Variants in DMD observed in about 807,000 individuals in gnomAD.
The protein encoded by DMD is dystrophin.
Under a neutral mutation model 330.1 loss-of-function variants are expected in DMD, and 63 were observed. The observed-to-expected ratio is 0.19, with a 90% confidence interval of 0.16 to 0.24. The LOEUF (loss-of-function observed/expected upper bound fraction) is 0.24, where lower values mean the gene tolerates loss of function less well. Ranked by LOEUF, DMD falls within the 10% of genes least tolerant of loss-of-function variation. The pLI is 1.00. For synonymous variants in DMD, 1,223 were observed against 959.8 expected (o/e 1.27, Z -5.07); for missense variants, 3,344 against 2,684.1 (o/e 1.25, Z -5.43).
chrX:33,113,726 T>A (rs372209990), intron 1 of DMD, among the ~76,000 whole-genome samples: 62 of 111,859 alleles, frequency 5.5e-4, no homozygotes, highest in African/African-American at 1.8e-3. Flanking sequence ...GTTAATGAAT[T>A]TAATTCCAAA....
intron 61 of DMD, among the ~76,000 whole-genome samples, chrX:31,329,228 G>C (rs1458763445): frequency 8.9e-6 from 1 of 112,235 alleles, no homozygotes; most frequent in Non-Finnish European, 1.9e-5. Context: ...AAATGCAAGT[G>C]AAAGGACAAG....
chrX:31,164,682 G>C lies in DMD; in HGVS notation c.10553+4761C>G, dbSNP rs145704841. ...TGACTCCCCCCAGCTTGATTTCCTC[G>C]TTCCAGCATCGCTCTTTTCAAAGTT... On this transcript the variant is annotated intron_variant, in intron 74 of 78. Transcript: ENST00000357033. Among the ~76,000 whole-genome samples, 846 of 110,770 alleles carry C rather than the reference G, an allele frequency of 7.6e-3. 13 individuals carry two copies. The highest frequency in any genetic ancestry group is 0.026 in the African/African-American group (791 of 30,431).
chrX:31,830,581 C>T (rs113718612), intron 49 of DMD, among the ~76,000 whole-genome samples: 12,078 of 111,441 alleles, frequency 0.11, 643 homozygotes, highest in African/African-American at 0.19. Context: ...GCAACAAGAG[C>T]GAAACTCCGT....
chrX:32,346,075 T>C lies in DMD; in HGVS notation c.5454A>G (p.Glu1818=), dbSNP rs1187639845. Residue 1818 remains glutamate, a synonymous_variant, in exon 39 of 79, where the codon GAA becomes GAG. Transcript: ENST00000357033. The part of the protein sequence containing the change: ...KEEDFNKDMN[E]DNEGTVKELL... ...ATTCTTTTACAGTACCCTCATTGTC[T>C]TCATTCTGATCAAAAACAACAAGTA... 5.0e-6 allele frequency: 6 copies of C among 1,209,703 alleles called. No homozygotes were observed. The highest frequency in any genetic ancestry group is 6.7e-6 in the Non-Finnish European group (6 of 894,207).
At chrX:32,932,952 G>A (rs774498037) in intron 2 of DMD, among the ~76,000 whole-genome samples, 4 of 111,289 alleles carry the variant, frequency 3.6e-5, no homozygotes, top group African/African-American at 9.8e-5. Flanking sequence ...TTTTTCAGAT[G>A]TAGCCTCCTG....
intron 54 of DMD, among the ~76,000 whole-genome samples, chrX:31,642,177 C>T (rs2079809856): frequency 9.0e-6 from 1 of 111,678 alleles, no homozygotes; most frequent in South Asian, 3.8e-4. Context: ...AACTACGGTC[C>T]ACTGCTATAA....
intron 62 of DMD, among the ~76,000 whole-genome samples, chrX:31,287,642 A>G (rs1260810069): frequency 1.8e-5 from 2 of 112,311 alleles, no homozygotes; most frequent in African/African-American, 6.5e-5. Flanking sequence ...AGCATAATCT[A>G]TAGGAGGACA....
rs753500560 is a variant in DMD, at chrX:32,390,072, T to A, written c.4343A>T (p.Gln1448Leu). The change falls in exon 31 of 79, where the codon CAG becomes CTG. Residue 1448 changes from glutamine (Q) to leucine (L), a missense_variant and splice_region_variant. By Grantham distance (113) the Gln-to-Leu change is moderately radical. Coordinates refer to ENST00000357033, the MANE Select transcript of DMD (RefSeq NM_004006.3). ...CTTAGTTTCTGAAATAACATATACCTGTGCAACATCAATCTGAGACAGGAC... is the reference window on the plus strand; with the variant it reads ...CTTAGTTTCTGAAATAACATATACCAGTGCAACATCAATCTGAGACAGGAC... ...QRVLSQIDVA[Q>L]KKLQDVSMKF... 8.3e-7 allele frequency: 1 copy of A among 1,197,878 alleles called. No homozygotes were observed. Among genetic ancestry groups the A allele is most frequent in the Non-Finnish European group, 1.1e-6 (1 of 883,012 alleles).
chrX:32,681,708 G>A (rs61260052), intron 9 of DMD, among the ~76,000 whole-genome samples: 14,622 of 111,420 alleles, frequency 0.13, 2,210 homozygotes, highest in African/African-American at 0.44. Flanking sequence ...TATGTACCTA[G>A]TATATATTCT....
At chrX:31,139,262 C>A (rs141774167) in intron 76 of DMD, among the ~76,000 whole-genome samples, 42 of 111,331 alleles carry the variant, frequency 3.8e-4, no homozygotes, top group African/African-American at 1.3e-3. Context: ...TATGGAGGCT[C>A]CTTAAAGAAC....
chrX:32,347,927 T>A (rs771190575), intron 38 of DMD, among the ~76,000 whole-genome samples: 1 of 111,596 alleles, frequency 9.0e-6, no homozygotes, highest in Non-Finnish European at 1.9e-5. Flanking sequence ...TTTAGACATA[T>A]AATGTACTAA....
chrX:32,615,825 T>C lies in DMD; in HGVS notation c.1332-1372A>G, dbSNP rs562712631. ...GTTTTATTAACATCTTATGTTATTA[T>C]GGAACATCTCTTACAATTAATGAAC... On this transcript the variant is annotated intron_variant, in intron 11 of 78. Transcript: ENST00000357033. Among the ~76,000 whole-genome samples, 34 of 112,032 alleles carry C rather than the reference T, an allele frequency of 3.0e-4. No homozygotes were observed. In the South Asian group the frequency reaches 0.012, roughly 39 times the overall value.
At chrX:32,252,976 G>GTA (rs2097282809) in intron 43 of DMD, among the ~76,000 whole-genome samples, 3 of 88,546 alleles carry the variant, frequency 3.4e-5, no homozygotes, top group Non-Finnish European at 6.4e-5. Context: ...GTTTGTGTGT[G>GTA]TATATATATT....
rs2097920063 is a variant in DMD, at chrX:32,380,456, A to G, written c.4845+54T>C. 4 of 1,076,792 alleles carry G rather than the reference A, an allele frequency of 3.7e-6. No homozygotes were observed. In the Admixed American group the frequency reaches 8.8e-5, roughly 24 times the overall value. The allele number at this position is 1,076,792 out of a possible 1,213,427, so 88.7% of individuals were successfully genotyped here. On this transcript the variant is annotated intron_variant, in intron 34 of 78. Coordinates refer to ENST00000357033, the MANE Select transcript of DMD (RefSeq NM_004006.3). ...CATGTTAATACTTCCTTACAAAATC[A>G]TATTATGTGTTTTCACGTATGTTCA... is the stretch of plus-strand genomic sequence containing the variant.
At chrX:32,885,830 A>AGG (rs2084487181) in intron 2 of DMD, among the ~76,000 whole-genome samples, 6 of 104,580 alleles carry the variant, frequency 5.7e-5, no homozygotes, top group East Asian at 5.9e-4. Flanking sequence ...TGAGGGGGAA[A>AGG]AAAAAAAAAA....
At chrX:32,736,755 G>A (rs763036187) in intron 7 of DMD, among the ~76,000 whole-genome samples, 1 of 97,431 alleles carries the variant, frequency 1.0e-5, no homozygotes, top group East Asian at 3.4e-4. Flanking sequence ...ACCACACTCT[G>A]GGGACTGTGG....
At chrX:31,795,708 T>C (rs1227809766) in intron 50 of DMD, among the ~76,000 whole-genome samples, 1 of 112,031 alleles carries the variant, frequency 8.9e-6, no homozygotes, top group Non-Finnish European at 1.9e-5. Flanking sequence ...AACATAAATA[T>C]GCCAACAATT....
intron 42 of DMD, among the ~76,000 whole-genome samples, chrX:32,303,873 A>G (rs1326813677): frequency 1.8e-5 from 2 of 110,715 alleles, no homozygotes; most frequent in Admixed American, 9.7e-5. Flanking sequence ...GCACTACATT[A>G]ATGACATATC....
At chrX:31,952,760 C>T (rs142858737) in intron 45 of DMD, among the ~76,000 whole-genome samples, 1,411 of 97,025 alleles carry the variant, frequency 0.015, 19 homozygotes, top group African/African-American at 0.045. Flanking sequence ...CACAGTTGAA[C>T]GTATCGTAAA....
Sources: allele counts gnomAD v4.1 joint callset (sites outside exome capture counted in the v4.1 genomes callset), GRCh38; gene constraint gnomAD v4.1.1; transcripts MANE v1.5; gene names NCBI Gene and HGNC (gene_info 2026-07-23, HGNC 2026-07-21).